NKAIN2: variants seen among roughly 807,000 people sequenced by gnomAD.
NKAIN2 encodes sodium/potassium transporting ATPase interacting 2.
NKAIN2 carries 14 observed loss-of-function variants against 32.6 expected under a neutral mutation model. The observed-to-expected ratio is 0.43, with a 90% CI of 0.28 to 0.67. NKAIN2 has a LOEUF of 0.67. Among genes scored for constraint, NKAIN2 ranks in the 30% least tolerant of loss-of-function variants. The probability of loss-of-function intolerance (pLI) is 0.17; values close to 1 mark genes in which losing one functional copy is unlikely to be tolerated. For missense variants in NKAIN2, 198 were observed against 258.3 expected (o/e 0.77, Z 1.60); for synonymous variants, 80 against 87.2 (o/e 0.92, Z 0.46).
chr6:124,510,609 G>A (rs972011596), intron 3 of NKAIN2, among the ~76,000 whole-genome samples: 4 of 152,132 alleles, frequency 2.6e-5, no homozygotes, highest in Non-Finnish European at 5.9e-5. Flanking sequence ...AAGCAATCTG[G>A]TTCACAGTTA....
At chr6:124,443,306 C>A (rs943933768) in intron 3 of NKAIN2, among the ~76,000 whole-genome samples, 5 of 152,076 alleles carry the variant, frequency 3.3e-5, no homozygotes, top group Admixed American at 1.3e-4. Flanking sequence ...ATATAGTGAA[C>A]AAAGATGATA....
At chr6:124,465,172 C>T (rs1365382532) in intron 3 of NKAIN2, among the ~76,000 whole-genome samples, 1 of 152,074 alleles carries the variant, frequency 6.6e-6, no homozygotes, top group Non-Finnish European at 1.5e-5. Flanking sequence ...ACTATAAAGA[C>T]ACATGCACAT....
intron 1 of NKAIN2, among the ~76,000 whole-genome samples, chr6:124,039,908 T>C (rs904493230): frequency 3.9e-5 from 6 of 151,938 alleles, no homozygotes; most frequent in African/African-American, 1.2e-4. Flanking sequence ...CAAGAATGCT[T>C]CTTATTCACA....
chr6:123,805,050 A>G (rs1185168109), intron 1 of NKAIN2, among the ~76,000 whole-genome samples: 1 of 152,180 alleles, frequency 6.6e-6, no homozygotes, highest in East Asian at 1.9e-4. Flanking sequence ...AGGAACCAAT[A>G]ATGGAAAACG....
At chr6:124,675,400 C>A (rs1258420349) in intron 4 of NKAIN2, among the ~76,000 whole-genome samples, 1 of 151,928 alleles carries the variant, frequency 6.6e-6, no homozygotes, top group Non-Finnish European at 1.5e-5. Context: ...ACAATGTTGG[C>A]CATATAAAAT....
chr6:124,225,951 T>A (rs989104861), intron 1 of NKAIN2, among the ~76,000 whole-genome samples: 1 of 152,068 alleles, frequency 6.6e-6, no homozygotes, highest in Admixed American at 6.6e-5. Context: ...AAAGGCCATT[T>A]ATTAAAGCAA....
At chr6:124,344,695 T>A (rs1288571086) in intron 2 of NKAIN2, among the ~76,000 whole-genome samples, 2 of 152,210 alleles carry the variant, frequency 1.3e-5, no homozygotes, top group African/African-American at 2.4e-5. Flanking sequence ...ATCCTGAGAC[T>A]TTGCTGAAGT....
At chr6:124,642,519 C>T (rs189304200) in intron 3 of NKAIN2, among the ~76,000 whole-genome samples, 1 of 152,208 alleles carries the variant, frequency 6.6e-6, no homozygotes, top group East Asian at 1.9e-4. Context: ...TAGATATTGG[C>T]AGTGCAATAC....
chr6:124,338,752 T>C (rs532916712), intron 2 of NKAIN2, among the ~76,000 whole-genome samples: 2 of 152,292 alleles, frequency 1.3e-5, no homozygotes, highest in South Asian at 2.1e-4. Context: ...TTCACAGTAA[T>C]TACATCAGCC....
chr6:124,462,467 A>C lies in NKAIN2; in HGVS notation c.273+107120A>C, dbSNP rs141283553. Among the ~76,000 whole-genome samples, 472 of 152,018 alleles carry C rather than the reference A, an allele frequency of 3.1e-3. 2 individuals are homozygous for C. Among genetic ancestry groups the C allele is most frequent in the African/African-American group, 9.8e-3 (408 of 41,550 alleles). Reference sequence around the variant, plus strand: ...TTCAAATACAAACCTCACATTCTTCATACAAAGATCACAATTTTAATTCTT... The same window carrying C: ...TTCAAATACAAACCTCACATTCTTCCTACAAAGATCACAATTTTAATTCTT... On this transcript the variant is annotated intron_variant, in intron 3 of 6. Transcript: ENST00000368417.
In NKAIN2 at chr6:124,326,403, CAG is replaced by C. The variant is rs1797412621; in HGVS notation, c.193-28863_193-28862del. 3.9e-5 allele frequency among the ~76,000 whole-genome samples: 6 copies of C among 152,210 alleles called. No homozygotes were observed. The South Asian group carries it at 8.3e-4, about 21-fold the overall frequency. On this transcript the variant is annotated intron_variant, in intron 2 of 6. Coordinates refer to ENST00000368417, the MANE Select transcript of NKAIN2 (RefSeq NM_001040214.3). ...AATGTCTTTCACAGCTTCCTCACTC[CAG>C]GGTTGCCTCCCCTCCTGTTACCATG... is the stretch of plus-strand genomic sequence containing the variant.
At chr6:124,685,440 T>C (rs1020269763) in intron 4 of NKAIN2, among the ~76,000 whole-genome samples, 5 of 152,184 alleles carry the variant, frequency 3.3e-5, no homozygotes, top group African/African-American at 1.2e-4. Context: ...TTGCCAATGA[T>C]ATTACATATG....
At chr6:124,161,059 A>T (rs543206156) in intron 1 of NKAIN2, among the ~76,000 whole-genome samples, 1 of 152,296 alleles carries the variant, frequency 6.6e-6, no homozygotes, top group South Asian at 2.1e-4. Flanking sequence ...GTTAGACCTT[A>T]TATTAGTCCA....
At chr6:124,186,267 A>C (rs907933832) in intron 1 of NKAIN2, among the ~76,000 whole-genome samples, 1 of 152,074 alleles carries the variant, frequency 6.6e-6, no homozygotes, top group Non-Finnish European at 1.5e-5. Flanking sequence ...AAAAGAAAAG[A>C]AAAGGAGAAA....
chr6:124,077,819 C>T (rs1321396685), intron 1 of NKAIN2, among the ~76,000 whole-genome samples: 1 of 151,948 alleles, frequency 6.6e-6, no homozygotes, highest in Non-Finnish European at 1.5e-5. Context: ...AAGCCAGTCT[C>T]AAACTCCTGG....
intron 4 of NKAIN2, among the ~76,000 whole-genome samples, chr6:124,666,149 T>C (rs1383165692): frequency 6.6e-6 from 1 of 152,170 alleles, no homozygotes; most frequent in Non-Finnish European, 1.5e-5. Context: ...CAAACCTGCT[T>C]GTCAAAAGAT....
At chr6:124,670,645 C>CTCTGTGTG (rs1436735758) in intron 4 of NKAIN2, among the ~76,000 whole-genome samples, 14 of 123,798 alleles carry the variant, frequency 1.1e-4, no homozygotes, top group African/African-American at 3.8e-4. Flanking sequence ...TCTTTGCTTT[C>CTCTGTGTG]TGTGTGTGTG....
At chr6:124,453,661 C>G (rs1776206590) in intron 3 of NKAIN2, among the ~76,000 whole-genome samples, 1 of 152,046 alleles carries the variant, frequency 6.6e-6, no homozygotes, top group Non-Finnish European at 1.5e-5. Flanking sequence ...GTTAGAAGCA[C>G]TGTAATCTAT....
chr6:124,409,646 T>G (rs184414544), intron 3 of NKAIN2, among the ~76,000 whole-genome samples: 17 of 152,348 alleles, frequency 1.1e-4, no homozygotes, highest in African/African-American at 4.1e-4. Flanking sequence ...GATATTGGTC[T>G]AAAATTCTCT....
Sources: gnomAD v4.1 joint callset for allele counts (sites outside exome capture counted in the v4.1 genomes callset) on GRCh38, gnomAD v4.1.1 for gene constraint, MANE v1.5 for transcripts, NCBI Gene and HGNC (gene_info 2026-07-23, HGNC 2026-07-21) for gene names.